Variants in TTC39C observed in about 807,000 individuals in gnomAD.
TTC39C encodes the protein tetratricopeptide repeat domain 39C.
Under a neutral mutation model 76.3 loss-of-function variants are expected in TTC39C, and 33 were observed. The ratio of observed to expected loss-of-function variants is 0.43; its 90% confidence interval spans 0.33 to 0.58. TTC39C has a LOEUF of 0.58. Among genes scored for constraint, TTC39C ranks in the 20% least tolerant of loss-of-function variants. The pLI is 0.04. For missense variants in TTC39C, 595 were observed against 701.4 expected, an observed-to-expected ratio of 0.85 and a Z score of 1.71; for synonymous variants, 254 against 260.6, an observed-to-expected ratio of 0.97 and a Z score of 0.24.
Position 24,125,482 on chromosome 18 carries a change from T to C in TTC39C, c.1352T>C (p.Ile451Thr), listed in dbSNP as rs2085037789. Residue 451 changes from isoleucine (I) to threonine (T), a missense_variant, in exon 10 of 14, where the codon ATT becomes ACT. By Grantham distance (89) the Ile-to-Thr change is moderately conservative (BLOSUM62 -1). Transcript: ENST00000317571. ...PTKALCVLAS[I>T]EVLYLWKALP... Reference sequence around the variant, plus strand: ...AAAGCGCTCTGTGTGTTGGCGTCTATTGAAGTGTTGTACTTGTGGAAAGCT... The same window carrying C: ...AAAGCGCTCTGTGTGTTGGCGTCTACTGAAGTGTTGTACTTGTGGAAAGCT... 6.2e-7 allele frequency: 1 copy of C among 1,614,216 alleles called. No individual in the cohort carries two copies. The highest frequency in any genetic ancestry group is 1.1e-5 in the South Asian group (1 of 91,082).
In TTC39C at chr18:24,067,588, C is replaced by A. The variant is rs4800541; in HGVS notation, c.345+1448C>A. ...TCTATGCAAGGGATCTAGGGTGCAC[C>A]CTCCTTATGAGAATCTAACTAACGC... On this transcript the variant is annotated intron_variant, in intron 3 of 13. Transcript: ENST00000317571. 2.0e-5 allele frequency among the ~76,000 whole-genome samples: 3 copies of A among 151,804 alleles called. No individual in the cohort carries two copies. In the South Asian group the frequency reaches 6.2e-4, roughly 32 times the overall value.
At chr18:24,017,913 T>C (rs977487260) in intron 1 of TTC39C, among the ~76,000 whole-genome samples, 1 of 152,206 alleles carries the variant, frequency 6.6e-6, no homozygotes, top group African/African-American at 2.4e-5. Flanking sequence ...AGAAGGTCAT[T>C]TTCTCATGCC....
At chr18:24,091,194 T>A (rs1764559143) in intron 6 of TTC39C, among the ~76,000 whole-genome samples, 1 of 152,234 alleles carries the variant, frequency 6.6e-6, no homozygotes, top group Non-Finnish European at 1.5e-5. Context: ...GCTCAATGCC[T>A]ATAATCCCAG....
intron 2 of TTC39C, 73 bp downstream of exon 2, chr18:24,064,261 A>G: frequency 1.3e-6 from 2 of 1,538,316 alleles, no homozygotes; most frequent in South Asian, 1.2e-5. Flanking sequence ...AGTGGCTACC[A>G]GTTGTATAGA....
chr18:24,024,001 TATA>T (rs2083562738), intron 1 of TTC39C, among the ~76,000 whole-genome samples: 1 of 11,310 alleles, frequency 8.8e-5, no homozygotes, highest in Non-Finnish European at 1.7e-4. Flanking sequence ...TATATATATA[TATA>T]TATATATATA....
intron 1 of TTC39C, among the ~76,000 whole-genome samples, chr18:23,997,706 G>GAA (rs1175124694): frequency 1.3e-5 from 2 of 150,664 alleles, no homozygotes; most frequent in African/African-American, 2.4e-5. Context: ...AAGAAAGAAA[G>GAA]AAAGAAAGAA....
chr18:23,995,618 G>T (rs1351153104), intron 1 of TTC39C, among the ~76,000 whole-genome samples: 2 of 152,052 alleles, frequency 1.3e-5, no homozygotes, highest in African/African-American at 4.8e-5. Context: ...ACACCTTGGG[G>T]CTATTACAAA....
rs1168377508 is a variant in TTC39C at position 24,093,619 on chromosome 18, C to T, written c.984+10538C>T. 5.3e-5 allele frequency among the ~76,000 whole-genome samples: 8 copies of T among 152,070 alleles called. No homozygotes were observed. The Middle Eastern group carries it at 0.01, about 194-fold the overall frequency. On this transcript the variant is annotated intron_variant, in intron 6 of 13. Coordinates refer to ENST00000317571, the MANE Select transcript of TTC39C (RefSeq NM_001135993.2). ...ATACAGGCATACATCAGAGACATTG[C>T]GGGTTTGGTTCTAGACCACTGCACT... is the stretch of plus-strand genomic sequence containing the variant.
At chr18:24,098,445 C>T (rs184393127) in intron 6 of TTC39C, among the ~76,000 whole-genome samples, 2,049 of 101,794 alleles carry the variant, frequency 0.02, 26 homozygotes, top group Non-Finnish European at 0.026. Flanking sequence ...TCCTTTCTTT[C>T]CTTTCTCCTT....
chr18:24,098,968 A>T (rs1369844455), intron 6 of TTC39C, among the ~76,000 whole-genome samples: 1 of 149,684 alleles, frequency 6.7e-6, no homozygotes, highest in East Asian at 2.0e-4. Context: ...TTTTTCTAGT[A>T]TATCCCACTG....
Position 24,051,273 on chromosome 18 carries a change from C to G in TTC39C, c.168-12867C>G, listed in dbSNP as rs558620043. Among the ~76,000 whole-genome samples, 5 of 152,338 alleles carry G rather than the reference C, an allele frequency of 3.3e-5. No homozygotes were observed. In the South Asian group the frequency reaches 1.0e-3, roughly 32 times the overall value. ...TCACTGATCTTGGTGAATTTCATGG[C>G]TTCTCAGCACCAGCCAGCGTATTAC... On this transcript the variant is annotated intron_variant, in intron 1 of 13. Transcript: ENST00000317571.
intron 1 of TTC39C, among the ~76,000 whole-genome samples, chr18:24,057,522 T>TCATCGTTAGAAGTCA (rs58768924): frequency 6.6e-6 from 1 of 152,126 alleles, no homozygotes. Flanking sequence ...ACATTAGAAG[T>TCATCGTTAGAAGTCA]GAATAGTGGT....
At chr18:24,023,276 G>A (rs1169254876) in intron 1 of TTC39C, among the ~76,000 whole-genome samples, 1 of 152,168 alleles carries the variant, frequency 6.6e-6, no homozygotes, top group Non-Finnish European at 1.5e-5. Context: ...CTCATAAGCA[G>A]TTGCCAGAGC....
intron 1 of TTC39C, among the ~76,000 whole-genome samples, chr18:24,038,407 C>T (rs867212734): frequency 2.6e-5 from 4 of 152,116 alleles, no homozygotes; most frequent in Non-Finnish European, 4.4e-5. Flanking sequence ...CTCAGCCTCC[C>T]GAGTAGCTGG....
rs200696364 is a variant in TTC39C, at chr18:24,118,164, T to C, written c.1118T>C (p.Phe373Ser). The C allele has an allele frequency of 1.2e-6, 2 of 1,613,998 alleles. No homozygotes were observed. The highest frequency in any genetic ancestry group is 3.3e-5 in the Admixed American group (2 of 60,002). Reference sequence around the variant, plus strand: ...ATAGAGCTCAATTTCAAGGATGCATTTGATTCCTTTGAGAGGCTAAAAAAT... The same window carrying C: ...ATAGAGCTCAATTTCAAGGATGCATCTGATTCCTTTGAGAGGCTAAAAAAT... ...SMIELNFKDA[F>S]DSFERLKNES... Residue 373 changes from phenylalanine to serine, a missense_variant, in exon 8 of 14, where the codon TTT becomes TCT. Coordinates refer to ENST00000317571, the MANE Select transcript of TTC39C (RefSeq NM_001135993.2).
intron 4 of TTC39C, among the ~76,000 whole-genome samples, chr18:24,074,168 T>C (rs1213986962): frequency 6.6e-6 from 1 of 152,202 alleles, no homozygotes; most frequent in African/African-American, 2.4e-5. Flanking sequence ...AAGTTAGTTA[T>C]AGAGGTTGAA....
chr18:24,128,469 G>T (rs573930518), intron 10 of TTC39C, among the ~76,000 whole-genome samples: 1 of 151,040 alleles, frequency 6.6e-6, no homozygotes, highest in South Asian at 2.1e-4. Flanking sequence ...ATATCTTATT[G>T]AATCTCAGTA....
intron 1 of TTC39C, among the ~76,000 whole-genome samples, chr18:23,993,517 G>A (rs552963588): frequency 6.6e-6 from 1 of 152,206 alleles, no homozygotes; most frequent in East Asian, 1.9e-4. Flanking sequence ...TATAGATCTT[G>A]TACTCCTACT....
intron 6 of TTC39C, among the ~76,000 whole-genome samples, chr18:24,106,618 C>T (rs2084747843): frequency 6.6e-6 from 1 of 152,132 alleles, no homozygotes. Flanking sequence ...CATAATTTAT[C>T]AGAGACCCAT....
Sources: gnomAD v4.1 joint callset for allele counts (sites outside exome capture counted in the v4.1 genomes callset) on GRCh38, gnomAD v4.1.1 for gene constraint, MANE v1.5 for transcripts, NCBI Gene and HGNC (gene_info 2026-07-23, HGNC 2026-07-21) for gene names.